COLQ: variants seen among roughly 807,000 people sequenced by gnomAD.
COLQ encodes the protein collagen like tail subunit of asymmetric acetylcholinesterase.
COLQ carries 48 observed loss-of-function variants against 69.0 expected under a neutral mutation model. The ratio of observed to expected loss-of-function variants is 0.70; its 90% CI spans 0.55 to 0.88. The LOEUF (loss-of-function observed/expected upper bound fraction) is 0.88. COLQ is among the 40% of genes least tolerant of loss of function. The pLI, the probability that COLQ is intolerant of heterozygous loss-of-function variation, is 0.00. For synonymous variants in COLQ, 217 were observed against 211.2 expected (o/e 1.03, Z -0.24); for missense variants, 618 against 594.6 (o/e 1.04, Z -0.41).
At chr3:15,472,364 G>A (rs569109958) in intron 10 of COLQ, among the ~76,000 whole-genome samples, 52 of 152,122 alleles carry the variant, frequency 3.4e-4, no homozygotes, top group Non-Finnish European at 7.1e-4. Flanking sequence ...TGTAGTTTCT[G>A]ACAGCTTAAG....
rs755030467 is a variant in COLQ at position 15,477,193 on chromosome 3, C to A, written c.398G>T (p.Arg133Ile). 2.5e-6 allele frequency: 4 copies of A among 1,605,060 alleles called. No homozygotes were observed. The African/African-American group carries it at 5.3e-5, about 21-fold the overall frequency. ...GCCAGGAACACCTGGGGGGCCAGGTCTACCCTTCAAAGACCAAGAACAAAA... is the reference window on the plus strand; with the variant it reads ...GCCAGGAACACCTGGGGGGCCAGGTATACCCTTCAAAGACCAAGAACAAAA... The part of the protein sequence containing the change: ...GELGRPGRKG[R>I]PGPPGVPGMP... The change falls in exon 6 of 17, where the codon AGA becomes ATA. Residue 133 changes from arginine (R) to isoleucine (I), a missense_variant. Physicochemically the swap from Arg to Ile is moderately conservative, Grantham distance 97. Transcript: ENST00000383788.
rs537216264 is a variant in COLQ at position 15,459,279 on chromosome 3, A to T, written c.815-954T>A. On this transcript the variant is annotated intron_variant, in intron 12 of 16. Coordinates refer to ENST00000383788, the MANE Select transcript of COLQ (RefSeq NM_005677.4). ...AGAAGTGAGGACATGTCTTGAAAAG[A>T]TATGATCAGAAAGTGTACTCCCTAG... Among the ~76,000 whole-genome samples, 5 of 152,240 alleles carry T rather than the reference A, an allele frequency of 3.3e-5. No individual in the cohort carries two copies. In the East Asian group the frequency reaches 5.8e-4, roughly 18 times the overall value.
intron 1 of COLQ, among the ~76,000 whole-genome samples, chr3:15,516,330 C>T (rs1489275707): frequency 6.6e-6 from 1 of 152,140 alleles, no homozygotes; most frequent in Non-Finnish European, 1.5e-5. Context: ...GGCAGGGGAG[C>T]ACGGGGCTGG....
At chr3:15,514,153 C>T (rs889520915) in intron 1 of COLQ, among the ~76,000 whole-genome samples, 2 of 152,090 alleles carry the variant, frequency 1.3e-5, no homozygotes, top group African/African-American at 4.8e-5. Flanking sequence ...TCGGCCTTGG[C>T]GACACCTTGA....
At position 15,462,164 on chromosome 3, in the gene COLQ, G is replaced by A. The variant is rs568811512; in HGVS notation, c.815-3839C>T. Among the ~76,000 whole-genome samples, 8 of 152,196 alleles carry A rather than the reference G, an allele frequency of 5.3e-5. No individual in the cohort carries two copies. The East Asian group carries it at 1.5e-3, about 29-fold the overall frequency. ...CTGTCTCAGCCTCCTGAGTAGCTGG[G>A]ATTACAGGTGCCCGCTACCATGCCC... On this transcript the variant is annotated intron_variant, in intron 12 of 16. Transcript: ENST00000383788.
chr3:15,482,670 T>C (rs1190732139), intron 3 of COLQ, among the ~76,000 whole-genome samples: 2 of 152,256 alleles, frequency 1.3e-5, no homozygotes, highest in Non-Finnish European at 2.9e-5. Context: ...TTTAAAATTC[T>C]CTTTTCTTGT....
chr3:15,520,705 G>GTT (rs2125195871), intron 1 of COLQ, among the ~76,000 whole-genome samples: 1 of 152,288 alleles, frequency 6.6e-6, no homozygotes, highest in Admixed American at 6.5e-5. Flanking sequence ...GGCCATACTA[G>GTT]TAACCGAATA....
At position 15,488,122 on chromosome 3, in the gene COLQ, G is replaced by A. The variant is rs541995957; in HGVS notation, c.321+84C>T. The A allele has an allele frequency of 6.4e-5, 63 of 978,214 alleles. No homozygotes were observed. The East Asian group carries it at 1.5e-3, about 23-fold the overall frequency. The allele number at this position is 978,214 out of a possible 1,614,324, so 60.6% of individuals were successfully genotyped here. On this transcript the variant is annotated intron_variant, in intron 3 of 16. Coordinates refer to ENST00000383788, the MANE Select transcript of COLQ (RefSeq NM_005677.4). ...AAACAGCTTTGTATCACATGAGAAA[G>A]AGCAGACACTAAGAGGCTCTGTGCA...
At position 15,489,704 on chromosome 3, in the gene COLQ, C is replaced by T. The variant is rs2062632559; in HGVS notation, c.107-67G>A. The stretch of plus-strand genomic sequence containing the variant: ...CTGGGCCTCTGTCACACCCACCGTG[C>T]CCAGGGAAGACCCATCCTGCCACCC... On this transcript the variant is annotated intron_variant, in intron 1 of 16. Coordinates refer to ENST00000383788, the MANE Select transcript of COLQ (RefSeq NM_005677.4). The T allele has an allele frequency of 3.5e-6, 5 of 1,433,038 alleles. No individual in the cohort carries two copies. In the African/African-American group the frequency reaches 7.0e-5, roughly 20 times the overall value. 88.8% of individuals were successfully genotyped at this position (1,433,038 alleles called of 1,614,324 possible).
chr3:15,486,258 G>A (rs1313299608), intron 3 of COLQ, among the ~76,000 whole-genome samples: 5 of 152,158 alleles, frequency 3.3e-5, no homozygotes, highest in African/African-American at 4.8e-5. Flanking sequence ...GACCCACTCC[G>A]TTCACTTGGT....
chr3:15,506,102 G>A (rs1575494103), intron 1 of COLQ, among the ~76,000 whole-genome samples: 1 of 152,312 alleles, frequency 6.6e-6, no homozygotes, highest in South Asian at 2.1e-4. Context: ...AGAAATTGGG[G>A]AGCCTAGGGT....
intron 11 of COLQ, among the ~76,000 whole-genome samples, chr3:15,468,599 G>T (rs2062236364): frequency 6.6e-6 from 1 of 152,174 alleles, no homozygotes; most frequent in Admixed American, 6.5e-5. Context: ...CTCCCAAAGT[G>T]CTGGGATTAT....
intron 16 of COLQ, among the ~76,000 whole-genome samples, chr3:15,453,178 T>C (rs1194337899): frequency 2.0e-5 from 3 of 152,226 alleles, no homozygotes; most frequent in Non-Finnish European, 4.4e-5. Context: ...CAGCACCTCA[T>C]GGGGCGGTGG....
chr3:15,477,042 C>T (rs1448976017), intron 6 of COLQ, 84 bp downstream of exon 6: 4 of 1,297,196 alleles, frequency 3.1e-6, no homozygotes, highest in African/African-American at 1.5e-5. Context: ...GATTCCCTGA[C>T]TATGTGCCAG....
At position 15,474,279 on chromosome 3, in the gene COLQ, A is replaced by G. The variant is rs780166352; in HGVS notation, c.556-7T>C. The G allele has an allele frequency of 6.8e-6, 11 of 1,613,688 alleles. No individual in the cohort carries two copies. The highest frequency in any genetic ancestry group is 3.3e-4 in the Middle Eastern group (2 of 6,078). On this transcript the variant is annotated splice_region_variant and splice_polypyrimidine_tract_variant and intron_variant, in intron 8 of 16. Transcript: ENST00000383788. ...CCTTTTCACCTCTGGATCCCTAGGA[A>G]GAAACCATAGGAGAAAGTCAATGAG...
intron 15 of COLQ, 28 bp from the exon 16 acceptor site, chr3:15,453,959 T>G: frequency 1.3e-6 from 2 of 1,525,426 alleles, no homozygotes; most frequent in Non-Finnish European, 1.8e-6. Flanking sequence ...GGTGCAGTCT[T>G]GAGAAGGAGC....
chr3:15,458,049 C>A, intron 13 of COLQ, 137 bp downstream of exon 13: 2 of 897,988 alleles, frequency 2.2e-6, no homozygotes, highest in Non-Finnish European at 1.8e-6. Flanking sequence ...TCATATTTTC[C>A]AATTTCCTAT....
In COLQ at chr3:15,453,850, G is replaced by A. The variant is rs536042715; in HGVS notation, c.1277C>T (p.Thr426Ile). Residue 426 changes from threonine (T) to isoleucine (I), a missense_variant, in exon 16 of 17, where the codon ACA becomes ATA. Coordinates refer to ENST00000383788, the MANE Select transcript of COLQ (RefSeq NM_005677.4). The stretch of plus-strand genomic sequence containing the variant: ...CTACCCAGGGAGATAGGTCTCGCAT[G>A]TCAGGTAGCCAAAGTCAGAGCCGTC... ...DCDGSDFGYLTCETYLPGSYG... is the reference protein window; with the variant it reads ...DCDGSDFGYLICETYLPGSYG... 3 of 1,611,682 alleles carry A rather than the reference G, an allele frequency of 1.9e-6. No individual in the cohort carries two copies. The highest frequency in any genetic ancestry group is 2.2e-5 in the South Asian group (2 of 90,508).
intron 1 of COLQ, among the ~76,000 whole-genome samples, chr3:15,497,067 G>C (rs1225188690): frequency 8.3e-6 from 1 of 120,064 alleles, no homozygotes; most frequent in Non-Finnish European, 1.6e-5. Context: ...TTTTTGAGAC[G>C]AAGTCTCACT....
Sources: gnomAD v4.1 joint callset for allele counts (sites outside exome capture counted in the v4.1 genomes callset) on GRCh38, gnomAD v4.1.1 for gene constraint, MANE v1.5 for transcripts, NCBI Gene and HGNC (gene_info 2026-07-23, HGNC 2026-07-21) for gene names.